Variants in TCERG1L observed in about 807,000 individuals in gnomAD.
TCERG1L encodes transcription elongation regulator 1 like.
A neutral mutation model predicts 56.3 loss-of-function variants in TCERG1L; 37 were observed. The observed-to-expected ratio is 0.66, with a 90% CI of 0.51 to 0.87. The LOEUF (loss-of-function observed/expected upper bound fraction) is 0.87, where lower values mean the gene tolerates loss of function less well. Among genes scored for constraint, TCERG1L ranks in the 40% least tolerant of loss-of-function variants. TCERG1L has a pLI of 0.00. For synonymous variants in TCERG1L, 324 were observed against 326.3 expected (o/e 0.99, Z 0.08); for missense variants, 799 against 774.2 (o/e 1.03, Z -0.38).
intron 6 of TCERG1L, among the ~76,000 whole-genome samples, chr10:131,156,797 G>T (rs571642799): frequency 2.0e-5 from 3 of 151,956 alleles, no homozygotes; most frequent in African/African-American, 7.2e-5. Flanking sequence ...ACCCTCTCAC[G>T]TGCACCCCCT....
At chr10:131,295,106 C>T (rs74724883) in intron 3 of TCERG1L, among the ~76,000 whole-genome samples, 11,191 of 152,072 alleles carry the variant, frequency 0.074, 521 homozygotes, top group Admixed American at 0.15. Context: ...TGAATGCCTT[C>T]ACTGGCATAA....
At chr10:131,278,631 C>T (rs1846419687) in intron 3 of TCERG1L, among the ~76,000 whole-genome samples, 1 of 152,200 alleles carries the variant, frequency 6.6e-6, no homozygotes, top group African/African-American at 2.4e-5. Context: ...GCATGAGCCA[C>T]CGCACCCAGC....
chr10:131,134,958 C>T (rs1845659324), intron 7 of TCERG1L, among the ~76,000 whole-genome samples: 1 of 152,162 alleles, frequency 6.6e-6, no homozygotes. Flanking sequence ...CTATGGACGC[C>T]CATCTACTTC....
At chr10:131,226,062 T>C (rs766601088) in intron 4 of TCERG1L, among the ~76,000 whole-genome samples, 2 of 152,154 alleles carry the variant, frequency 1.3e-5, no homozygotes, top group African/African-American at 2.4e-5. Context: ...CTCAGCCTTC[T>C]GAGTAGCTGG....
chr10:131,174,534 C>T (rs886847061), intron 4 of TCERG1L, among the ~76,000 whole-genome samples: 6 of 152,188 alleles, frequency 3.9e-5, no homozygotes, highest in African/African-American at 1.4e-4. Flanking sequence ...CTCTCCCTCT[C>T]ACCCGCCCGT....
At chr10:131,277,504 T>C (rs1481493514) in intron 3 of TCERG1L, among the ~76,000 whole-genome samples, 1 of 152,174 alleles carries the variant, frequency 6.6e-6, no homozygotes, top group Non-Finnish European at 1.5e-5. Context: ...GCGAGCACAC[T>C]GATGCCCACA....
chr10:131,097,828 C>T (rs573685265), intron 11 of TCERG1L, among the ~76,000 whole-genome samples: 7 of 152,160 alleles, frequency 4.6e-5, no homozygotes, highest in South Asian at 4.1e-4. Context: ...TTCACTTGTC[C>T]GGTGTATCAA....
chr10:131,209,312 C>T (rs1845589770), intron 4 of TCERG1L, among the ~76,000 whole-genome samples: 1 of 149,014 alleles, frequency 6.7e-6, no homozygotes, highest in Admixed American at 6.7e-5. Context: ...CTCAGCCTGG[C>T]TCTGACAAAG....
chr10:131,174,974 A>ACCCCTGTTACCTGAACCC (rs1564807573), intron 4 of TCERG1L, among the ~76,000 whole-genome samples: 1 of 146,938 alleles, frequency 6.8e-6, no homozygotes, highest in Non-Finnish European at 1.5e-5. Context: ...ATGGGACCCC[A>ACCCCTGTTACCTGAACCC]CCCCCGCAAT....
chr10:131,222,676 C>T lies in TCERG1L; in HGVS notation c.856+37583G>A, dbSNP rs542803347. Among the ~76,000 whole-genome samples the T allele has an allele frequency of 2.0e-5, 3 of 152,328 alleles. No homozygotes were observed. In the South Asian group the frequency reaches 6.2e-4, roughly 32 times the overall value. On this transcript the variant is annotated intron_variant, in intron 4 of 11. Coordinates refer to ENST00000368642, the MANE Select transcript of TCERG1L (RefSeq NM_174937.4). ...GGTATGGCCGAGCCTTTCGGGATCA[C>T]CCTACTCAGGAAAGACTATGTCTAA...
At chr10:131,288,437 A>G (rs1167463523) in intron 3 of TCERG1L, among the ~76,000 whole-genome samples, 4 of 152,112 alleles carry the variant, frequency 2.6e-5, no homozygotes, top group Non-Finnish European at 4.4e-5. Context: ...GCAGACCTTC[A>G]GGTGGGACCA....
At chr10:131,282,641 TC>T (rs150200904) in intron 3 of TCERG1L, among the ~76,000 whole-genome samples, 11,279 of 152,086 alleles carry the variant, frequency 0.074, 527 homozygotes, top group African/African-American at 0.12. Context: ...CACACCTCTA[TC>T]CCCCCAGCAC....
At chr10:131,285,195 T>C (rs573043445) in intron 3 of TCERG1L, among the ~76,000 whole-genome samples, 4 of 151,992 alleles carry the variant, frequency 2.6e-5, no homozygotes, top group Admixed American at 6.6e-5. Context: ...CTGGCCAACA[T>C]GGTAAAACCC....
chr10:131,098,436 G>A lies in TCERG1L; in HGVS notation c.1486-12C>T, dbSNP rs748512392. 267 of 1,533,056 alleles carry A rather than the reference G, an allele frequency of 1.7e-4. No homozygotes were observed. The highest frequency in any genetic ancestry group is 2.1e-4 in the Non-Finnish European group (236 of 1,143,380). The allele number at this position is 1,533,056 out of a possible 1,614,324, so 95.0% of individuals were successfully genotyped here. A position where few individuals can be genotyped will look rare whatever the true frequency, so the allele number is the denominator to read the frequency against. ...AACTGTTCAAATATCTTAAAACACAGATACAGAAGAAAAACATCATGAAAT... is the reference window on the plus strand; with the variant it reads ...AACTGTTCAAATATCTTAAAACACAAATACAGAAGAAAAACATCATGAAAT... On this transcript the variant is annotated splice_polypyrimidine_tract_variant and intron_variant, in intron 10 of 11. Coordinates refer to ENST00000368642, the MANE Select transcript of TCERG1L (RefSeq NM_174937.4).
intron 4 of TCERG1L, among the ~76,000 whole-genome samples, chr10:131,204,743 A>G (rs576482219): frequency 6.6e-6 from 1 of 152,328 alleles, no homozygotes; most frequent in South Asian, 2.1e-4. Context: ...CTTCAGGGAG[A>G]GGCCCCGATG....
intron 4 of TCERG1L, among the ~76,000 whole-genome samples, chr10:131,227,333 T>G (rs1341021226): frequency 6.6e-6 from 1 of 152,110 alleles, no homozygotes; most frequent in Non-Finnish European, 1.5e-5. Flanking sequence ...AGCTGGCCAA[T>G]TAGAAGAGTA....
At chr10:131,115,149 G>T (rs1408996449) in intron 9 of TCERG1L, among the ~76,000 whole-genome samples, 1 of 152,240 alleles carries the variant, frequency 6.6e-6, no homozygotes, top group Non-Finnish European at 1.5e-5. Context: ...GCCGATATAG[G>T]CAAGTTTCCT....
chr10:131,146,042 C>T (rs962959817), intron 7 of TCERG1L, among the ~76,000 whole-genome samples: 13 of 152,298 alleles, frequency 8.5e-5, no homozygotes, highest in South Asian at 4.1e-4. Flanking sequence ...TTCCCCTGTC[C>T]GTGACCAGGG....
At chr10:131,309,416 A>T (rs751157692) in intron 1 of TCERG1L, 117 bp from the exon 2 acceptor site, 9 of 1,341,652 alleles carry the variant, frequency 6.7e-6, no homozygotes, top group African/African-American at 1.5e-5. Context: ...TATGTATTTG[A>T]TTATCAGATA....
Sources: gnomAD v4.1 joint callset for allele counts (sites outside exome capture counted in the v4.1 genomes callset) on GRCh38, gnomAD v4.1.1 for gene constraint, MANE v1.5 for transcripts, NCBI Gene and HGNC (gene_info 2026-07-23, HGNC 2026-07-21) for gene names.